GRIN2A: variants seen among roughly 807,000 people sequenced by gnomAD.
GRIN2A encodes the protein glutamate ionotropic receptor NMDA type subunit 2A.
Under a neutral mutation model 113.4 loss-of-function variants are expected in GRIN2A, and 22 were observed. The observed-to-expected ratio is 0.19, with a 90% CI of 0.14 to 0.28. The LOEUF (loss-of-function observed/expected upper bound fraction) is 0.28. Ranked by LOEUF, GRIN2A falls within the 10% of genes least tolerant of loss-of-function variation. The pLI is 1.00. For missense variants in GRIN2A, 1,502 were observed against 1,887.0 expected (o/e 0.80, Z 3.78); for synonymous variants, 827 against 738.4 (o/e 1.12, Z -1.94).
chr16:9,861,539 T>A (rs2043068345), intron 4 of GRIN2A, among the ~76,000 whole-genome samples: 1 of 152,174 alleles, frequency 6.6e-6, no homozygotes, highest in South Asian at 2.1e-4. Flanking sequence ...CAGATCTAAA[T>A]GTAATTGATC....
chr16:9,879,345 G>T (rs1224629665), intron 4 of GRIN2A, among the ~76,000 whole-genome samples: 1 of 152,142 alleles, frequency 6.6e-6, no homozygotes, highest in Non-Finnish European at 1.5e-5. Context: ...GTCATTTACA[G>T]GCATGGCAAA....
chr16:9,867,270 C>G (rs1010394548), intron 4 of GRIN2A, among the ~76,000 whole-genome samples: 3 of 152,140 alleles, frequency 2.0e-5, no homozygotes, highest in African/African-American at 7.2e-5. Context: ...CCCTCTCTGG[C>G]TAAAAATCTT....
chr16:10,106,327 TGA>T (rs1196356309), intron 2 of GRIN2A, among the ~76,000 whole-genome samples: 1 of 151,890 alleles, frequency 6.6e-6, no homozygotes, highest in Non-Finnish European at 1.5e-5. Flanking sequence ...TTTGGGAGAC[TGA>T]GAGGGAGGAC....
At chr16:9,870,612 T>A (rs1456108705) in intron 4 of GRIN2A, among the ~76,000 whole-genome samples, 1 of 151,840 alleles carries the variant, frequency 6.6e-6, no homozygotes, top group Non-Finnish European at 1.5e-5. Context: ...TGATGTTCCT[T>A]CAAGTAACTT....
At chr16:10,088,090 G>A (rs767800629) in intron 2 of GRIN2A, among the ~76,000 whole-genome samples, 3 of 152,046 alleles carry the variant, frequency 2.0e-5, no homozygotes, top group African/African-American at 4.8e-5. Flanking sequence ...ATACCTTGTT[G>A]AAAGCTTTTG....
chr16:10,095,229 T>G (rs1262141006), intron 2 of GRIN2A, among the ~76,000 whole-genome samples: 2 of 152,130 alleles, frequency 1.3e-5, no homozygotes, highest in Admixed American at 1.3e-4. Context: ...CTTCCAGCTT[T>G]TAGAACCATG....
intron 2 of GRIN2A, among the ~76,000 whole-genome samples, chr16:10,017,405 A>T (rs2141886113): frequency 6.6e-6 from 1 of 152,220 alleles, no homozygotes; most frequent in East Asian, 1.9e-4. Flanking sequence ...AGAAGGCAGG[A>T]GGGGAAATCA....
chr16:10,055,122 A>C (rs71379067), intron 2 of GRIN2A, among the ~76,000 whole-genome samples: 1 of 128,314 alleles, frequency 7.8e-6, no homozygotes, highest in African/African-American at 2.9e-5. Flanking sequence ...GAAAAAAAAA[A>C]CAGTAGTTGG....
intron 11 of GRIN2A, among the ~76,000 whole-genome samples, chr16:9,795,502 T>A (rs1902925292): frequency 1.3e-5 from 2 of 152,238 alleles, no homozygotes; most frequent in South Asian, 4.1e-4. Context: ...ACTTTCTTAA[T>A]AAACTTGCTT....
At chr16:10,064,841 C>A (rs774425555) in intron 2 of GRIN2A, among the ~76,000 whole-genome samples, 3 of 152,188 alleles carry the variant, frequency 2.0e-5, no homozygotes, top group African/African-American at 7.2e-5. Context: ...TGTTTCAGGG[C>A]AAGATTGATA....
chr16:10,028,198 G>C (rs569089632), intron 2 of GRIN2A, among the ~76,000 whole-genome samples: 1 of 152,216 alleles, frequency 6.6e-6, no homozygotes, highest in African/African-American at 2.4e-5. Context: ...CTGTGATTGT[G>C]CCCATTTCAA....
At chr16:9,883,296 T>G (rs2043520936) in intron 4 of GRIN2A, among the ~76,000 whole-genome samples, 1 of 152,192 alleles carries the variant, frequency 6.6e-6, no homozygotes, top group African/African-American at 2.4e-5. Context: ...GGTCCATTTG[T>G]GCACTAGGCC....
chr16:10,106,947 G>A (rs1422619145), intron 2 of GRIN2A, among the ~76,000 whole-genome samples: 1 of 152,110 alleles, frequency 6.6e-6, no homozygotes. Context: ...TTCAGAGGAA[G>A]AAACTAAGAC....
chr16:10,009,223 G>C (rs537112135), intron 2 of GRIN2A, among the ~76,000 whole-genome samples: 11 of 152,304 alleles, frequency 7.2e-5, no homozygotes, highest in African/African-American at 2.2e-4. Flanking sequence ...AGGAAGCTTA[G>C]AAGAAAAAAT....
At chr16:9,997,156 G>A (rs1032627954) in intron 2 of GRIN2A, among the ~76,000 whole-genome samples, 1 of 152,154 alleles carries the variant, frequency 6.6e-6, no homozygotes, top group African/African-American at 2.4e-5. Context: ...CAAAACAGGA[G>A]CTCTGTCCTG....
chr16:10,113,772 A>G (rs2048672460), intron 2 of GRIN2A, among the ~76,000 whole-genome samples: 1 of 152,242 alleles, frequency 6.6e-6, no homozygotes. Context: ...AAGGAAATAA[A>G]TGGGAAAATG....
At chr16:9,937,448 T>A (rs554956155) in intron 3 of GRIN2A, among the ~76,000 whole-genome samples, 90 of 152,292 alleles carry the variant, frequency 5.9e-4, no homozygotes, top group African/African-American at 2.0e-3. Context: ...TGCACGCCTG[T>A]GTCAAAACAT....
rs1236561367 is a variant in GRIN2A at position 9,870,991 on chromosome 16, T to C, written c.1122+19995A>G. Among the ~76,000 whole-genome samples the C allele has an allele frequency of 3.3e-5, 5 of 152,170 alleles. No homozygotes were observed. In the East Asian group the frequency reaches 9.6e-4, roughly 29 times the overall value. ...CTCATGTCTCTTTTCCAATGTCATT[T>C]TGGCCTCTGGGCTCTGGACCCCTCT... On this transcript the variant is annotated intron_variant, in intron 4 of 12. Coordinates refer to ENST00000330684, the MANE Select transcript of GRIN2A (RefSeq NM_001134407.3).
chr16:9,913,169 C>T lies in GRIN2A; in HGVS notation c.1008-22069G>A, dbSNP rs572846432. ...GCTTCAACCCACTAGCTCTAGTTCT[C>T]TACTGTAAGCAAAGGAGACTAATTC... On this transcript the variant is annotated intron_variant, in intron 3 of 12. Coordinates refer to ENST00000330684, the MANE Select transcript of GRIN2A (RefSeq NM_001134407.3). Among the ~76,000 whole-genome samples the T allele has an allele frequency of 2.0e-5, 3 of 152,324 alleles. No individual in the cohort carries two copies. In the South Asian group the frequency reaches 6.2e-4, roughly 32 times the overall value.
Sources: gnomAD v4.1 joint callset for allele counts (sites outside exome capture counted in the v4.1 genomes callset) on GRCh38, gnomAD v4.1.1 for gene constraint, MANE v1.5 for transcripts, NCBI Gene and HGNC (gene_info 2026-07-23, HGNC 2026-07-21) for gene names.